Variants in NCAM1 observed in about 807,000 individuals in gnomAD.
The protein encoded by NCAM1 is neural cell adhesion molecule 1, also known as antigen recognized by monoclonal antibody 5.1H11.
In NCAM1, 14 loss-of-function variants were observed where a neutral mutation model predicts 109.8. The observed-to-expected ratio is 0.13, with a 90% CI of 0.08 to 0.20. The LOEUF is 0.20. Among genes scored for constraint, NCAM1 ranks in the 10% least tolerant of loss-of-function variants. The probability of loss-of-function intolerance (pLI) is 1.00; values close to 1 mark genes in which losing one functional copy is unlikely to be tolerated. For missense variants in NCAM1, 774 were observed against 1,109.9 expected (o/e 0.70, Z 4.30); for synonymous variants, 418 against 442.9 (o/e 0.94, Z 0.70).
chr11:113,046,104 C>T (rs1953258300), intron 1 of NCAM1, among the ~76,000 whole-genome samples: 1 of 152,148 alleles, frequency 6.6e-6, no homozygotes, highest in South Asian at 2.1e-4. Flanking sequence ...GCCCATTAGC[C>T]TACACTAATT....
chr11:113,159,435 A>T (rs1025609477), intron 1 of NCAM1, among the ~76,000 whole-genome samples: 4 of 152,130 alleles, frequency 2.6e-5, no homozygotes, highest in Non-Finnish European at 4.4e-5. Flanking sequence ...GTGGCAAGTA[A>T]GTCTCCATTT....
intron 15 of NCAM1, among the ~76,000 whole-genome samples, chr11:113,253,505 C>T (rs541962825): frequency 1.3e-5 from 2 of 152,244 alleles, no homozygotes; most frequent in East Asian, 3.9e-4. Flanking sequence ...ATTCAGGGCC[C>T]ATATTTTGTA....
chr11:113,270,574 G>C, intron 18 of NCAM1, 179 bp downstream of exon 18: 1 of 623,130 alleles, frequency 1.6e-6, no homozygotes. Flanking sequence ...GTCTTTGGGG[G>C]TTACCTGTTT....
chr11:113,121,041 G>A (rs892828406), intron 1 of NCAM1, among the ~76,000 whole-genome samples: 1 of 152,068 alleles, frequency 6.6e-6, no homozygotes, highest in Non-Finnish European at 1.5e-5. Context: ...TGAAATTTCA[G>A]GGAAGCGATT....
intron 1 of NCAM1, among the ~76,000 whole-genome samples, chr11:113,078,533 G>C (rs1410364099): frequency 6.6e-6 from 1 of 152,036 alleles, no homozygotes; most frequent in Admixed American, 6.6e-5. Context: ...AGAAAGCTTT[G>C]GTCAAATAGC....
At chr11:113,007,476 C>T (rs1408553229) in intron 1 of NCAM1, among the ~76,000 whole-genome samples, 3 of 152,138 alleles carry the variant, frequency 2.0e-5, no homozygotes, top group Non-Finnish European at 4.4e-5. Context: ...CCCTAAGAGC[C>T]CTTTCTGCTT....
chr11:113,250,663 A>G (rs1416727886), intron 15 of NCAM1, among the ~76,000 whole-genome samples: 1 of 152,242 alleles, frequency 6.6e-6, no homozygotes, highest in Non-Finnish European at 1.5e-5. Context: ...GTCTTATTTG[A>G]TAGGAAAAGT....
Position 113,234,124 on chromosome 11 carries a change from G to C in NCAM1, c.1693+807G>C, listed in dbSNP as rs574651903. On this transcript the variant is annotated intron_variant, in intron 13 of 19. Transcript: ENST00000316851. ...TCTTCAGCTTCTCGGGGGAGCCAGG[G>C]GGCCGAGAGGAGCTGCTGGGTAATC... 1.2e-3 allele frequency among the ~76,000 whole-genome samples: 177 copies of C among 148,480 alleles called. 7 individuals carry two copies. The South Asian group carries it at 0.037, about 31-fold the overall frequency.
chr11:113,115,838 G>C (rs1200664696), intron 1 of NCAM1, among the ~76,000 whole-genome samples: 1 of 152,188 alleles, frequency 6.6e-6, no homozygotes, highest in Non-Finnish European at 1.5e-5. Context: ...ATGGTGGGAT[G>C]TCTCTTTCTT....
Position 113,233,239 on chromosome 11 carries a change from C to T in NCAM1, c.1615C>T (p.Pro539Ser). 1.9e-6 allele frequency: 3 copies of T among 1,613,704 alleles called. No homozygotes were observed. The highest frequency in any genetic ancestry group is 2.5e-6 in the Non-Finnish European group (3 of 1,179,816). ...FDEPEATGGV[P>S]ILKYKAEWRA... ...TGAACCAGAGGCCACAGGTGGGGTGCCCATCCTCAAATACAAAGCTGAGTG... is the reference window on the plus strand; with the variant it reads ...TGAACCAGAGGCCACAGGTGGGGTGTCCATCCTCAAATACAAAGCTGAGTG... Residue 539 changes from proline (P) to serine (S), a missense_variant, in exon 13 of 20, where the codon CCC becomes TCC. Pro to Ser is a moderately conservative substitution (Grantham distance 74, BLOSUM62 -1). Coordinates refer to ENST00000316851, the MANE Select transcript of NCAM1 (RefSeq NM_181351.5). The surrounding 1 kb of genome is among the most constrained non-coding windows in gnomAD (Gnocchi z 4.5).
intron 1 of NCAM1, among the ~76,000 whole-genome samples, chr11:113,015,407 AC>A (rs1288087631): frequency 2.6e-5 from 4 of 152,140 alleles, no homozygotes; most frequent in Admixed American, 6.5e-5. Context: ...TTTGGGTGTA[AC>A]CCTCTGATGC....
chr11:113,007,938 A>G (rs1555073612), intron 1 of NCAM1, among the ~76,000 whole-genome samples: 1 of 152,232 alleles, frequency 6.6e-6, no homozygotes, highest in Non-Finnish European at 1.5e-5. Context: ...CTTAAAAGTG[A>G]TATATGGTAA....
At chr11:113,232,694 C>T in intron 11 of NCAM1, 24 bp from the exon 12 acceptor site, 1 of 1,570,926 alleles carries the variant, frequency 6.4e-7, no homozygotes, top group Non-Finnish European at 8.8e-7. Context: ...ACACTTGTAA[C>T]CCAATAGCTT....
intron 1 of NCAM1, among the ~76,000 whole-genome samples, chr11:113,005,314 T>C (rs1951865300): frequency 6.6e-6 from 1 of 152,184 alleles, no homozygotes; most frequent in Admixed American, 6.5e-5. Flanking sequence ...ACAGAGACCC[T>C]ATGTGGATGG....
At chr11:113,036,328 C>T (rs782629500) in intron 1 of NCAM1, among the ~76,000 whole-genome samples, 2 of 152,092 alleles carry the variant, frequency 1.3e-5, no homozygotes, top group Non-Finnish European at 2.9e-5. Flanking sequence ...CCAGGCTGGA[C>T]GCAGCAGCCC....
At chr11:113,267,977 C>T (rs142447875) in intron 17 of NCAM1, among the ~76,000 whole-genome samples, 49 of 152,340 alleles carry the variant, frequency 3.2e-4, no homozygotes, top group African/African-American at 1.1e-3. Flanking sequence ...ATATTCCCCA[C>T]TGTCATCAAA....
At chr11:113,041,950 C>A (rs1953093236) in intron 1 of NCAM1, among the ~76,000 whole-genome samples, 1 of 152,158 alleles carries the variant, frequency 6.6e-6, no homozygotes, top group South Asian at 2.1e-4. Context: ...CTCTAAAAGA[C>A]CTTCTTTCTC....
At chr11:113,214,536 G>A in intron 8 of NCAM1, 25 bp downstream of exon 8, 1 of 1,582,216 alleles carries the variant, frequency 6.3e-7, no homozygotes, top group Non-Finnish European at 8.6e-7. Flanking sequence ...AGGAGTTTCA[G>A]GGCCTTGGAA....
chr11:113,207,476 T>C (rs138849431), intron 6 of NCAM1, 98 bp downstream of exon 6: 1 of 930,740 alleles, frequency 1.1e-6, no homozygotes, highest in East Asian at 2.5e-5. Flanking sequence ...GGATGTGGGC[T>C]TCTTAGGAAT....
Sources: gnomAD v4.1 joint callset for allele counts (sites outside exome capture counted in the v4.1 genomes callset) on GRCh38, gnomAD v4.1.1 for gene constraint, Gnocchi (gnomAD v3.1) non-coding constraint, MANE v1.5 for transcripts, NCBI Gene and HGNC (gene_info 2026-07-23, HGNC 2026-07-21) for gene names.